Variants in MLLT1 observed in about 807,000 individuals in gnomAD.
The protein encoded by MLLT1 is MLLT1 super elongation complex subunit, also known as protein ENL.
Under a neutral mutation model 55.1 loss-of-function variants are expected in MLLT1, and 11 were observed. The observed-to-expected ratio is 0.20, with a 90% CI of 0.13 to 0.33. The LOEUF (loss-of-function observed/expected upper bound fraction) is 0.33, where lower values mean the gene tolerates loss of function less well. Among genes scored for constraint, MLLT1 ranks in the 10% least tolerant of loss-of-function variants. The pLI is 1.00. For synonymous variants in MLLT1, 323 were observed against 320.1 expected (o/e 1.01, Z -0.10); for missense variants, 536 against 760.6 (o/e 0.70, Z 3.47).
chr19:6,221,995 T>C, intron 6 of MLLT1, 126 bp downstream of exon 6: 2 of 699,548 alleles, frequency 2.9e-6, no homozygotes, highest in Non-Finnish European at 4.1e-6. Context: ...AAGAAGCCAG[T>C]GGGAGGAGCA....
At chr19:6,228,684 C>T (rs969098073) in intron 4 of MLLT1, among the ~76,000 whole-genome samples, 3 of 152,204 alleles carry the variant, frequency 2.0e-5, no homozygotes, top group African/African-American at 7.2e-5. Flanking sequence ...GGGTCACCTG[C>T]TGCTAGACGG....
intron 3 of MLLT1, among the ~76,000 whole-genome samples, chr19:6,237,212 G>A (rs1233943252): frequency 2.6e-5 from 4 of 152,232 alleles, no homozygotes; most frequent in Non-Finnish European, 5.9e-5. Context: ...GGCGGGCCAT[G>A]CGTGGAGCGC....
Position 6,262,760 on chromosome 19 carries a change from CG to C in MLLT1, c.194-451del, listed in dbSNP as rs1161736425. Among the ~76,000 whole-genome samples the C allele has an allele frequency of 1.3e-5, 2 of 152,134 alleles. No homozygotes were observed. The highest frequency in any genetic ancestry group is 2.9e-5 in the Non-Finnish European group (2 of 68,026). On this transcript the variant is annotated intron_variant, in intron 2 of 11. Transcript: ENST00000252674. The surrounding 1 kb of genome is among the most constrained non-coding windows in gnomAD (Gnocchi z 4.4). ...CGGGGGCTGAGCACCTGCTGCACCACGGACACATGCACTGGGAGACAGGGGA... is the reference window on the plus strand; with the variant it reads ...CGGGGGCTGAGCACCTGCTGCACCACGACACATGCACTGGGAGACAGGGGA...
intron 2 of MLLT1, among the ~76,000 whole-genome samples, chr19:6,267,340 G>A (rs974442659): frequency 6.6e-6 from 1 of 151,470 alleles, no homozygotes; most frequent in Non-Finnish European, 1.5e-5. Flanking sequence ...TTGACCTCAG[G>A]TGATCCACCC....
In MLLT1 at chr19:6,213,416, G is replaced by A. The variant is rs370244417; in HGVS notation, c.1480-8C>T. 58 of 1,608,558 alleles carry A rather than the reference G, an allele frequency of 3.6e-5. No homozygotes were observed. In the African/African-American group the frequency reaches 4.3e-4, roughly 12 times the overall value. The stretch of plus-strand genomic sequence containing the variant: ...CAGCTCATCCGTGTAGGCCTGGGGA[G>A]GGGGGGCAGGTCTCAGCAGCGTGTG... On this transcript the variant is annotated splice_polypyrimidine_tract_variant and splice_region_variant and intron_variant, in intron 10 of 11. Coordinates refer to ENST00000252674, the MANE Select transcript of MLLT1 (RefSeq NM_005934.4).
rs2091011164 is a variant in MLLT1, at chr19:6,231,601, TC to T, written c.277-889del. Reference sequence around the variant, plus strand: ...ATCTCGGCTCACTGCAAGCTCCACCTCCCTGGTTCATGCCTGGAGCCTCCCA... The same window carrying T: ...ATCTCGGCTCACTGCAAGCTCCACCTCCTGGTTCATGCCTGGAGCCTCCCA... On this transcript the variant is annotated intron_variant, in intron 3 of 11. Coordinates refer to ENST00000252674, the MANE Select transcript of MLLT1 (RefSeq NM_005934.4). This position sits in a 1 kb window ranked among gnomAD's most constrained non-coding sequence, Gnocchi z 5.1. Among the ~76,000 whole-genome samples, 1 of 151,834 alleles carries T rather than the reference TC, an allele frequency of 6.6e-6. No individual in the cohort carries two copies. The highest frequency in any genetic ancestry group is 1.5e-5 in the Non-Finnish European group (1 of 67,936).
At position 6,256,220 on chromosome 19, in the gene MLLT1, G is replaced by GATAA. The variant is rs200816706; in HGVS notation, c.276+6004_276+6007dup. On this transcript the variant is annotated intron_variant, in intron 3 of 11. Coordinates refer to ENST00000252674, the MANE Select transcript of MLLT1 (RefSeq NM_005934.4). This position sits in a 1 kb window ranked among gnomAD's most constrained non-coding sequence, Gnocchi z 4.1. ...CAAGAGCGAAACTCTGTCTCAAAAA[G>GATAA]ATAAATAAATAAATAAATAAATAAA... 0.13 allele frequency among the ~76,000 whole-genome samples: 18,230 copies of GATAA among 141,926 alleles called. 1,387 individuals carry two copies. Among genetic ancestry groups the GATAA allele is most frequent in the African/African-American group, 0.19 (7,148 of 36,678 alleles). The allele number at this position is 141,926 out of a possible 152,430, so 93.1% of individuals were successfully genotyped here. A position where few individuals can be genotyped will look rare whatever the true frequency, so the allele number is the denominator to read the frequency against.
At chr19:6,246,579 G>T (rs979181422) in intron 3 of MLLT1, among the ~76,000 whole-genome samples, 3 of 152,138 alleles carry the variant, frequency 2.0e-5, no homozygotes, top group African/African-American at 7.2e-5. Flanking sequence ...ATCTGGAAAA[G>T]GTAAACTACA....
Position 6,230,851 on chromosome 19 carries a change from TC to T in MLLT1, c.277-139del, listed in dbSNP as rs2091002229. 30 of 1,073,992 alleles carry T rather than the reference TC, an allele frequency of 2.8e-5. 1 individual carries two copies. In the South Asian group the frequency reaches 4.1e-4, roughly 15 times the overall value. 66.5% of individuals were successfully genotyped at this position (1,073,992 alleles called of 1,614,324 possible). A position where few individuals can be genotyped will look rare whatever the true frequency, so the allele number is the denominator to read the frequency against. On this transcript the variant is annotated intron_variant, in intron 3 of 11. Transcript: ENST00000252674. The surrounding 1 kb of genome is among the most constrained non-coding windows in gnomAD (Gnocchi z 9.0). ...CCTCCGATTTGCGCCCACTTCTCTC[TC>T]AGGGCACCTCCTGCCCTGCCCTTAT... is the stretch of plus-strand genomic sequence containing the variant.
intron 3 of MLLT1, among the ~76,000 whole-genome samples, chr19:6,255,363 C>T (rs531010413): frequency 9.9e-4 from 151 of 152,218 alleles, no homozygotes; most frequent in African/African-American, 3.3e-3. Flanking sequence ...CGTGGTGGCA[C>T]ACGTCCGTAA....
rs1268320837 is a variant in MLLT1, at chr19:6,240,048, T to C, written c.277-9335A>G. On this transcript the variant is annotated intron_variant, in intron 3 of 11. Transcript: ENST00000252674. This position sits in a 1 kb window ranked among gnomAD's most constrained non-coding sequence, Gnocchi z 4.7. ...TCAGCACTGGCTCACTGTGTGACCCTGGACGGGCTGCTGCACCTCTCTGAG... is the reference window on the plus strand; with the variant it reads ...TCAGCACTGGCTCACTGTGTGACCCCGGACGGGCTGCTGCACCTCTCTGAG... 2.0e-5 allele frequency among the ~76,000 whole-genome samples: 3 copies of C among 152,084 alleles called. No homozygotes were observed. Among genetic ancestry groups the C allele is most frequent in the East Asian group, 1.9e-4 (1 of 5,182 alleles).
chr19:6,270,889 C>T lies in MLLT1; in HGVS notation c.13-130G>A, dbSNP rs1392083841. ...TACGCTCTCAACCCAGTGAGCAGCACACAGACGGCTTCCTATCGCGCCAGC... is the reference window on the plus strand; with the variant it reads ...TACGCTCTCAACCCAGTGAGCAGCATACAGACGGCTTCCTATCGCGCCAGC... On this transcript the variant is annotated intron_variant, in intron 1 of 11. Transcript: ENST00000252674. The surrounding 1 kb of genome is among the most constrained non-coding windows in gnomAD (Gnocchi z 7.1). 1 of 861,050 alleles carries T rather than the reference C, an allele frequency of 1.2e-6. No individual in the cohort carries two copies. Among genetic ancestry groups the T allele is most frequent in the African/African-American group, 1.7e-5 (1 of 58,050 alleles). 53.3% of individuals were successfully genotyped at this position (861,050 alleles called of 1,614,324 possible). A position where few individuals can be genotyped will look rare whatever the true frequency, so the allele number is the denominator to read the frequency against.
At chr19:6,238,826 GC>G (rs71941306) in intron 3 of MLLT1, among the ~76,000 whole-genome samples, 12,031 of 150,532 alleles carry the variant, frequency 0.08, 886 homozygotes, top group African/African-American at 0.19. Context: ...CCGGCCAGCA[GC>G]CAAACGCCTC....
intron 3 of MLLT1, among the ~76,000 whole-genome samples, chr19:6,245,685 T>C (rs890443149): frequency 1.3e-5 from 2 of 151,826 alleles, no homozygotes; most frequent in Non-Finnish European, 2.9e-5. Flanking sequence ...CACTCCAGCC[T>C]CGGCGACAGA....
rs1482530264 is a variant in MLLT1 at position 6,210,915 on chromosome 19, G to A, written c.*2127C>T. 8.7e-6 allele frequency: 2 copies of A among 231,144 alleles called. No individual in the cohort carries two copies. The highest frequency in any genetic ancestry group is 1.3e-3 in the Middle Eastern group (1 of 772). The allele number at this position is 231,144 out of a possible 1,614,324, so 14.3% of individuals were successfully genotyped here. The stretch of plus-strand genomic sequence containing the variant: ...GACAACGTGAGGCCTTCCGGCCAGA[G>A]GAGGTAACTGAGAACTGGGTTGGTG... On this transcript the variant is annotated 3_prime_UTR_variant, in exon 12 of 12. Transcript: ENST00000252674. This position sits in a 1 kb window ranked among gnomAD's most constrained non-coding sequence, Gnocchi z 4.6.
rs1293655767 is a variant in MLLT1, at chr19:6,273,930, G to C, written c.13-3171C>G. Among the ~76,000 whole-genome samples, 4 of 152,256 alleles carry C rather than the reference G, an allele frequency of 2.6e-5. No homozygotes were observed. The highest frequency in any genetic ancestry group is 2.0e-4 in the Admixed American group (3 of 15,288). On this transcript the variant is annotated intron_variant, in intron 1 of 11. Coordinates refer to ENST00000252674, the MANE Select transcript of MLLT1 (RefSeq NM_005934.4). The surrounding 1 kb of genome is among the most constrained non-coding windows in gnomAD (Gnocchi z 4.3). ...AGAGTGAAAGACCGCGGTTCCACTGGAGAGGGGGAGGATGGAAGCACCAGA... is the reference window on the plus strand; with the variant it reads ...AGAGTGAAAGACCGCGGTTCCACTGCAGAGGGGGAGGATGGAAGCACCAGA...
intron 8 of MLLT1, among the ~76,000 whole-genome samples, chr19:6,215,264 G>A (rs1198326466): frequency 6.6e-6 from 1 of 152,250 alleles, no homozygotes; most frequent in African/African-American, 2.4e-5. Flanking sequence ...CGGTCCCTGT[G>A]CCGTGCCTGC....
chr19:6,215,383 G>A (rs768079201), intron 8 of MLLT1, among the ~76,000 whole-genome samples: 5 of 152,310 alleles, frequency 3.3e-5, no homozygotes, highest in South Asian at 4.1e-4. Context: ...CTGCTTCCAG[G>A]TCCTGTCCCA....
At position 6,277,827 on chromosome 19, in the gene MLLT1, A is replaced by G. The variant is rs150897390; in HGVS notation, c.12+1946T>C. Among the ~76,000 whole-genome samples, 739 of 152,264 alleles carry G rather than the reference A, an allele frequency of 4.9e-3. 3 individuals are homozygous for G. Among genetic ancestry groups the G allele is most frequent in the Non-Finnish European group, 7.8e-3 (529 of 68,010 alleles). On this transcript the variant is annotated intron_variant, in intron 1 of 11. Transcript: ENST00000252674. ...CATTGAAAGTGGACACTAAAGGTAT[A>G]TTTCATTTGGGTTTTTAACTCAATA...
Sources: gnomAD v4.1 joint callset for allele counts (sites outside exome capture counted in the v4.1 genomes callset) on GRCh38, gnomAD v4.1.1 for gene constraint, Gnocchi (gnomAD v3.1) non-coding constraint, MANE v1.5 for transcripts, NCBI Gene and HGNC (gene_info 2026-07-23, HGNC 2026-07-21) for gene names.